The following ELAPOR2 variants were observed in gnomAD, a reference collection of about 807,000 sequenced individuals.
ELAPOR2 encodes the protein endosome-lysosome associated apoptosis and autophagy regulator family member 2.
Under a neutral mutation model 120.7 loss-of-function variants are expected in ELAPOR2, and 89 were observed. That is an observed-to-expected ratio of 0.74 (90% CI 0.62 to 0.88). The LOEUF is 0.88. Ranked by LOEUF, ELAPOR2 falls within the 40% of genes least tolerant of loss-of-function variation. ELAPOR2 has a pLI of 0.00. For synonymous variants in ELAPOR2, 444 were observed against 444.9 expected (o/e 1.00, Z 0.03); for missense variants, 1,134 against 1,251.6 (o/e 0.91, Z 1.42).
chr7:87,027,425 A>C (rs1373016003), intron 1 of ELAPOR2, among the ~76,000 whole-genome samples: 1 of 152,204 alleles, frequency 6.6e-6, no homozygotes, highest in African/African-American at 2.4e-5. Flanking sequence ...TGTCATTAGA[A>C]TAAAACTTCA....
intron 1 of ELAPOR2, among the ~76,000 whole-genome samples, chr7:86,983,031 G>A (rs1792567638): frequency 2.6e-5 from 4 of 152,122 alleles, no homozygotes; most frequent in Non-Finnish European, 4.4e-5. Flanking sequence ...CGAGAATGAC[G>A]TGACACATGC....
At chr7:86,996,803 A>G (rs1268128946) in intron 1 of ELAPOR2, among the ~76,000 whole-genome samples, 4 of 151,974 alleles carry the variant, frequency 2.6e-5, no homozygotes, top group African/African-American at 9.7e-5. Flanking sequence ...CATGGCTATC[A>G]CTCCTCATCT....
intron 1 of ELAPOR2, among the ~76,000 whole-genome samples, chr7:87,015,192 G>C (rs7784907): frequency 0.042 from 6,411 of 152,176 alleles, 152 homozygotes; most frequent in Middle Eastern, 0.095. Flanking sequence ...TATTCAAAAA[G>C]TGCCTTTTAA....
chr7:87,016,348 C>CA (rs958688975), intron 1 of ELAPOR2, among the ~76,000 whole-genome samples: 2 of 151,538 alleles, frequency 1.3e-5, no homozygotes, highest in African/African-American at 4.8e-5. Flanking sequence ...GACTCCATCT[C>CA]AAAAAATATA....
rs141036734 is a variant in ELAPOR2, at chr7:86,889,122, C to T, written c.3030+2602G>A. ...CTTGAAGTAATCAATTACACCACCT[C>T]AGCCATCAAAGGCATTCAGGTCAAC... On this transcript the variant is annotated intron_variant, in intron 21 of 21. Coordinates refer to ENST00000450689, the MANE Select transcript of ELAPOR2 (RefSeq NM_001142749.3). Among the ~76,000 whole-genome samples the T allele has an allele frequency of 6.3e-3, 957 of 152,204 alleles. 3 individuals carry two copies. The highest frequency in any genetic ancestry group is 0.014 in the Middle Eastern group (4 of 294).
At chr7:86,902,977 A>G (rs1788791137) in intron 18 of ELAPOR2, among the ~76,000 whole-genome samples, 1 of 152,212 alleles carries the variant, frequency 6.6e-6, no homozygotes, top group Non-Finnish European at 1.5e-5. Context: ...CATAGTTCTT[A>G]GATCCAGGTT....
At chr7:87,026,104 A>G (rs1794234557) in intron 1 of ELAPOR2, among the ~76,000 whole-genome samples, 1 of 152,140 alleles carries the variant, frequency 6.6e-6, no homozygotes, top group Non-Finnish European at 1.5e-5. Flanking sequence ...GAAAGCACTG[A>G]GAAAAAGATG....
intron 1 of ELAPOR2, among the ~76,000 whole-genome samples, chr7:87,007,281 T>G (rs1335363711): frequency 6.6e-6 from 1 of 152,172 alleles, no homozygotes; most frequent in African/African-American, 2.4e-5. Context: ...CTGAAACCAA[T>G]TTCCATGTAT....
chr7:86,995,065 G>A (rs957208603), intron 1 of ELAPOR2, among the ~76,000 whole-genome samples: 1 of 152,128 alleles, frequency 6.6e-6, no homozygotes, highest in African/African-American at 2.4e-5. Context: ...TTTCTTACCA[G>A]GGCTAGCTTC....
At chr7:86,970,903 G>A (rs1357660273) in intron 1 of ELAPOR2, among the ~76,000 whole-genome samples, 2 of 152,086 alleles carry the variant, frequency 1.3e-5, no homozygotes, top group African/African-American at 4.8e-5. Context: ...GTAAACAGGT[G>A]CTCAATTCAT....
intron 2 of ELAPOR2, among the ~76,000 whole-genome samples, chr7:86,960,226 A>T (rs1221533922): frequency 6.6e-6 from 1 of 152,132 alleles, no homozygotes; most frequent in Non-Finnish European, 1.5e-5. Flanking sequence ...CATTTGGTCT[A>T]TAAAGCTGTT....
chr7:86,943,575 C>T (rs1790886247), intron 4 of ELAPOR2, among the ~76,000 whole-genome samples: 3 of 151,964 alleles, frequency 2.0e-5, no homozygotes, highest in South Asian at 4.1e-4. Context: ...ACAAAGGCAT[C>T]GCTGACAGGA....
intron 8 of ELAPOR2, among the ~76,000 whole-genome samples, chr7:86,937,425 C>T (rs947084013): frequency 3.9e-5 from 6 of 152,034 alleles, no homozygotes; most frequent in Admixed American, 6.6e-5. Flanking sequence ...AAAGAAGCAA[C>T]GCTCCATAGC....
At position 86,944,934 on chromosome 7, in the gene ELAPOR2, G is replaced by A; in HGVS notation, c.619C>T (p.Gln207Ter). Residue 207 changes from glutamine (Q) to a stop codon, truncating the protein, a stop_gained, in exon 4 of 22, where the codon CAG becomes TAG. Coordinates refer to ENST00000450689, the MANE Select transcript of ELAPOR2 (RefSeq NM_001142749.3). LOFTEE classifies it high-confidence loss of function. ...KKSGYVFFEY[Q>*]YVDNNIFFEF... is the part of the protein sequence containing the mutation. ...AAGAAGATGTTGTTGTCGACATACTGGTACTCAAAGAAGACATAGCCTGAC... is the reference window on the plus strand; with the variant it reads ...AAGAAGATGTTGTTGTCGACATACTAGTACTCAAAGAAGACATAGCCTGAC... The A allele has an allele frequency of 1.9e-6, 3 of 1,549,814 alleles. No individual in the cohort carries two copies. The highest frequency in any genetic ancestry group is 2.6e-6 in the Non-Finnish European group (3 of 1,146,306).
intron 19 of ELAPOR2, among the ~76,000 whole-genome samples, chr7:86,897,207 C>T (rs1788476952): frequency 6.6e-6 from 1 of 151,988 alleles, no homozygotes; most frequent in Admixed American, 6.6e-5. Context: ...TTAATTACAC[C>T]TATACCTACA....
At chr7:86,934,896 A>G (rs978407340) in intron 8 of ELAPOR2, among the ~76,000 whole-genome samples, 1 of 151,528 alleles carries the variant, frequency 6.6e-6, no homozygotes, top group African/African-American at 2.4e-5. Flanking sequence ...CACCTTTAAC[A>G]CTTTCCTCCC....
chr7:86,926,172 G>A (rs1790058023), intron 9 of ELAPOR2, among the ~76,000 whole-genome samples: 1 of 152,184 alleles, frequency 6.6e-6, no homozygotes, highest in African/African-American at 2.4e-5. Flanking sequence ...GGCTGGGAAA[G>A]TGCTGGGTTT....
intron 1 of ELAPOR2, among the ~76,000 whole-genome samples, chr7:86,980,076 G>C (rs777864806): frequency 6.6e-6 from 1 of 152,162 alleles, no homozygotes; most frequent in Non-Finnish European, 1.5e-5. Flanking sequence ...TATTAAAGAA[G>C]AAATTATACA....
chr7:86,971,791 G>C (rs1201160317), intron 1 of ELAPOR2, among the ~76,000 whole-genome samples: 2 of 152,164 alleles, frequency 1.3e-5, no homozygotes, highest in Non-Finnish European at 2.9e-5. Context: ...AAGGGTAACA[G>C]AGATGGGGAT....
Sources: allele counts gnomAD v4.1 joint callset (sites outside exome capture counted in the v4.1 genomes callset), GRCh38; gene constraint gnomAD v4.1.1; transcripts MANE v1.5; gene names NCBI Gene and HGNC (gene_info 2026-07-23, HGNC 2026-07-21).